GPC6: variants seen among roughly 807,000 people sequenced by gnomAD.
GPC6 encodes the protein glypican-6.
GPC6 carries 14 observed loss-of-function variants against 55.2 expected under a neutral mutation model. The ratio of observed to expected loss-of-function variants is 0.25; its 90% CI spans 0.17 to 0.40. The LOEUF (loss-of-function observed/expected upper bound fraction) is 0.40, where lower values mean the gene tolerates loss of function less well. GPC6 is among the 10% of genes least tolerant of loss of function. The pLI, the probability that GPC6 is intolerant of heterozygous loss-of-function variation, is 1.00. For missense variants in GPC6, 641 were observed against 708.5 expected (o/e 0.90, Z 1.08); for synonymous variants, 278 against 259.6 (o/e 1.07, Z -0.68).
intron 3 of GPC6, among the ~76,000 whole-genome samples, chr13:93,869,443 C>CA (rs2139035844): frequency 6.6e-6 from 1 of 151,908 alleles, no homozygotes; most frequent in Non-Finnish European, 1.5e-5. Flanking sequence ...ATTTGAAACA[C>CA]AAAAATCCTC....
At chr13:94,025,119 G>A (rs2138717201) in intron 3 of GPC6, among the ~76,000 whole-genome samples, 1 of 152,314 alleles carries the variant, frequency 6.6e-6, no homozygotes, top group East Asian at 1.9e-4. Context: ...AACACTGAGT[G>A]AGAAGCACAG....
At chr13:94,121,172 C>T (rs1197293422) in intron 4 of GPC6, among the ~76,000 whole-genome samples, 2 of 152,050 alleles carry the variant, frequency 1.3e-5, no homozygotes, top group Admixed American at 6.6e-5. Flanking sequence ...CTTCAGCAAG[C>T]TTACACCACC....
intron 2 of GPC6, among the ~76,000 whole-genome samples, chr13:93,686,134 G>A (rs1419725923): frequency 6.6e-6 from 1 of 152,006 alleles, no homozygotes; most frequent in Non-Finnish European, 1.5e-5. Flanking sequence ...TCCTATATGA[G>A]TACAAATCTT....
intron 2 of GPC6, among the ~76,000 whole-genome samples, chr13:93,601,835 G>T (rs976622050): frequency 7.9e-5 from 12 of 152,228 alleles, no homozygotes; most frequent in African/African-American, 2.9e-4. Context: ...AGAGCATGGC[G>T]ATGGCAGGAA....
At chr13:94,339,504 A>G (rs1034847236) in intron 6 of GPC6, among the ~76,000 whole-genome samples, 2 of 152,162 alleles carry the variant, frequency 1.3e-5, no homozygotes, top group Non-Finnish European at 2.9e-5. Context: ...ATTTACTGCT[A>G]AAGAGAAAAT....
intron 6 of GPC6, among the ~76,000 whole-genome samples, chr13:94,329,025 A>AC (rs1011520066): frequency 5.3e-5 from 8 of 152,058 alleles, no homozygotes; most frequent in Admixed American, 3.9e-4. Context: ...CTGAGGAAGA[A>AC]CCCCGGGGGG....
At chr13:93,942,292 G>A (rs1216392406) in intron 3 of GPC6, among the ~76,000 whole-genome samples, 2 of 152,074 alleles carry the variant, frequency 1.3e-5, no homozygotes, top group Non-Finnish European at 2.9e-5. Context: ...ACTTAGCTTC[G>A]AGCCTTGCCT....
chr13:93,580,531 A>G (rs1026204282), intron 2 of GPC6, among the ~76,000 whole-genome samples: 8 of 152,180 alleles, frequency 5.3e-5, no homozygotes, highest in Admixed American at 2.0e-4. Context: ...CCTTTTATTC[A>G]TGTAACAGAT....
At chr13:93,884,867 A>C (rs1331897001) in intron 3 of GPC6, among the ~76,000 whole-genome samples, 1 of 152,120 alleles carries the variant, frequency 6.6e-6, no homozygotes. Context: ...AAACGTTACA[A>C]GAGCTTATGT....
chr13:93,227,552 G>A lies in GPC6; in HGVS notation c.96G>A (p.Glu32=), dbSNP rs140177257. The A allele has an allele frequency of 3.1e-6, 5 of 1,613,328 alleles. No individual in the cohort carries two copies. The highest frequency in any genetic ancestry group is 4.5e-5 in the East Asian group (2 of 44,826). ...ATGTGAAGGCTCGGAGCTGCGGAGAGGTCCGCCAGGCGTACGGTGCCAAGG... is the reference window on the plus strand; with the variant it reads ...ATGTGAAGGCTCGGAGCTGCGGAGAAGTCCGCCAGGCGTACGGTGCCAAGG... ...GADVKARSCG[E]VRQAYGAKGF... The change falls in exon 1 of 9, where the codon GAG becomes GAA. Residue 32 remains glutamate (E), a synonymous_variant. Coordinates refer to ENST00000377047, the MANE Select transcript of GPC6 (RefSeq NM_005708.5). The surrounding 1 kb of genome is among the most constrained non-coding windows in gnomAD (Gnocchi z 4.3).
intron 1 of GPC6, among the ~76,000 whole-genome samples, chr13:93,244,477 G>T: frequency 6.6e-6 from 1 of 152,222 alleles, no homozygotes; most frequent in South Asian, 2.1e-4. Flanking sequence ...TCAGCCTGTG[G>T]CCATCTCCTG....
intron 2 of GPC6, among the ~76,000 whole-genome samples, chr13:93,696,847 C>G (rs991627763): frequency 2.6e-5 from 4 of 152,064 alleles, no homozygotes; most frequent in Non-Finnish European, 1.5e-5. Flanking sequence ...TGGTCTCTAA[C>G]TCCTGACCTC....
chr13:93,979,343 G>A (rs1026222917), intron 3 of GPC6, among the ~76,000 whole-genome samples: 2 of 149,350 alleles, frequency 1.3e-5, no homozygotes, highest in Admixed American at 6.7e-5. Flanking sequence ...TTGTGTGTGT[G>A]TGTTTTTTTT....
intron 3 of GPC6, among the ~76,000 whole-genome samples, chr13:93,907,741 G>A (rs1381021572): frequency 1.3e-5 from 2 of 152,128 alleles, no homozygotes; most frequent in South Asian, 2.1e-4. Context: ...CTAATAAAAC[G>A]AGTTAAATTT....
intron 1 of GPC6, among the ~76,000 whole-genome samples, chr13:93,458,822 A>G (rs1228841513): frequency 6.6e-6 from 1 of 152,114 alleles, no homozygotes; most frequent in African/African-American, 2.4e-5. Context: ...TTTATGTTCA[A>G]AAATATATGC....
At chr13:93,622,545 G>A (rs909326702) in intron 2 of GPC6, among the ~76,000 whole-genome samples, 6 of 152,078 alleles carry the variant, frequency 3.9e-5, no homozygotes, top group Admixed American at 1.3e-4. Context: ...ATCAGAGACT[G>A]GAGGGCTACA....
intron 7 of GPC6, among the ~76,000 whole-genome samples, chr13:94,393,651 C>T (rs988786951): frequency 1.3e-5 from 2 of 152,058 alleles, no homozygotes; most frequent in Non-Finnish European, 2.9e-5. Context: ...CACCCAAGCT[C>T]CCCATTTCTC....
At chr13:93,565,522 T>C (rs1438014328) in intron 2 of GPC6, among the ~76,000 whole-genome samples, 1 of 152,212 alleles carries the variant, frequency 6.6e-6, no homozygotes, top group Non-Finnish European at 1.5e-5. Flanking sequence ...GTGTCTGCTT[T>C]CTTGATTCTC....
intron 2 of GPC6, among the ~76,000 whole-genome samples, chr13:93,570,402 A>G (rs1218440362): frequency 6.6e-6 from 1 of 152,136 alleles, no homozygotes; most frequent in African/African-American, 2.4e-5. Context: ...TCATCAATAC[A>G]TGGGAAAACA....
Sources: gnomAD v4.1 joint callset for allele counts (sites outside exome capture counted in the v4.1 genomes callset) on GRCh38, gnomAD v4.1.1 for gene constraint, Gnocchi (gnomAD v3.1) non-coding constraint, MANE v1.5 for transcripts, NCBI Gene and HGNC (gene_info 2026-07-23, HGNC 2026-07-21) for gene names.